CHST9: variants seen among roughly 807,000 people sequenced by gnomAD.
The protein encoded by CHST9 is GalNAc-4-sulfotransferase 2.
CHST9 carries 41 observed loss-of-function variants against 44.4 expected under a neutral mutation model. The observed-to-expected ratio is 0.92, with a 90% CI of 0.72 to 1.20. The LOEUF (loss-of-function observed/expected upper bound fraction) is 1.20. Among genes scored for constraint, CHST9 ranks in the 50% most tolerant of loss-of-function variants. CHST9 has a pLI of 0.00. For synonymous variants in CHST9, 171 were observed against 178.4 expected (o/e 0.96, Z 0.33); for missense variants, 504 against 516.5 (o/e 0.98, Z 0.23).
intron 5 of CHST9, among the ~76,000 whole-genome samples, chr18:26,923,413 C>A (rs1044153308): frequency 6.6e-6 from 1 of 152,158 alleles, no homozygotes; most frequent in Non-Finnish European, 1.5e-5. Flanking sequence ...ATCTATATAA[C>A]CCCCACTAGC....
chr18:27,044,319 A>G (rs941946525), intron 3 of CHST9, among the ~76,000 whole-genome samples: 1 of 151,984 alleles, frequency 6.6e-6, no homozygotes, highest in Admixed American at 6.6e-5. Context: ...GTCCTGGACC[A>G]TTAAAATATT....
At chr18:27,043,827 T>C (rs1487502002) in intron 3 of CHST9, among the ~76,000 whole-genome samples, 1 of 152,040 alleles carries the variant, frequency 6.6e-6, no homozygotes, top group Non-Finnish European at 1.5e-5. Flanking sequence ...CCAAACTCCA[T>C]GGAACGGCAT....
At chr18:27,085,939 T>C (rs1416052749) in intron 2 of CHST9, among the ~76,000 whole-genome samples, 2 of 152,172 alleles carry the variant, frequency 1.3e-5, no homozygotes, top group African/African-American at 2.4e-5. Context: ...TACACAGTCA[T>C]AAAAGAGAAC....
chr18:26,980,297 C>T (rs1207447154), intron 4 of CHST9, among the ~76,000 whole-genome samples: 5 of 152,174 alleles, frequency 3.3e-5, no homozygotes, highest in Middle Eastern at 3.4e-3. Flanking sequence ...CAATCCCTAG[C>T]GCCTAGAAGT....
At chr18:26,927,857 T>C (rs1306161875) in intron 5 of CHST9, among the ~76,000 whole-genome samples, 2 of 152,142 alleles carry the variant, frequency 1.3e-5, no homozygotes, top group Non-Finnish European at 2.9e-5. Context: ...GGTCTTTCCC[T>C]TCCCACAAGG....
intron 1 of CHST9, among the ~76,000 whole-genome samples, chr18:27,178,432 A>T (rs2058885419): frequency 6.6e-6 from 1 of 152,022 alleles, no homozygotes. Context: ...AATATCTCAC[A>T]ATTTGATAAA....
At chr18:26,962,484 T>C (rs1369641811) in intron 4 of CHST9, among the ~76,000 whole-genome samples, 1 of 151,960 alleles carries the variant, frequency 6.6e-6, no homozygotes, top group Non-Finnish European at 1.5e-5. Context: ...AGAGATGGAG[T>C]TTTGTCCTGC....
chr18:26,939,311 C>T (rs771554251), intron 5 of CHST9, among the ~76,000 whole-genome samples: 17 of 151,954 alleles, frequency 1.1e-4, no homozygotes, highest in African/African-American at 3.4e-4. Context: ...GGGATTAGTA[C>T]GTTGATGAAA....
intron 2 of CHST9, among the ~76,000 whole-genome samples, chr18:27,056,087 G>T (rs566956596): frequency 6.6e-6 from 1 of 151,912 alleles, no homozygotes; most frequent in Admixed American, 6.6e-5. Context: ...GTCAATTATT[G>T]TTTATCAAAT....
intron 2 of CHST9, among the ~76,000 whole-genome samples, chr18:27,096,255 A>T (rs1464654380): frequency 6.6e-6 from 1 of 152,068 alleles, no homozygotes; most frequent in African/African-American, 2.4e-5. Context: ...GAGACACAAC[A>T]TATCAAAGTC....
intron 3 of CHST9, among the ~76,000 whole-genome samples, chr18:27,038,511 C>T (rs2057412870): frequency 6.6e-6 from 1 of 151,944 alleles, no homozygotes; most frequent in Non-Finnish European, 1.5e-5. Context: ...ATGCTCCAGT[C>T]TGGGTGATAG....
chr18:27,073,597 G>A (rs899480842), intron 2 of CHST9, among the ~76,000 whole-genome samples: 1 of 151,994 alleles, frequency 6.6e-6, no homozygotes, highest in African/African-American at 2.4e-5. Context: ...AGGTTCCTAG[G>A]GGTAATGGAG....
chr18:27,159,390 G>C (rs1281498495), intron 1 of CHST9, among the ~76,000 whole-genome samples: 4 of 152,052 alleles, frequency 2.6e-5, no homozygotes, highest in East Asian at 1.9e-4. Context: ...TCTTGTTTTT[G>C]TCAGGTTTGT....
chr18:27,184,614 G>A (rs912969552), intron 1 of CHST9, among the ~76,000 whole-genome samples: 1 of 152,068 alleles, frequency 6.6e-6, no homozygotes, highest in Non-Finnish European at 1.5e-5. Context: ...GCCTGAGCCA[G>A]GTCGCGGAGT....
At chr18:27,021,274 T>C (rs1366794993) in intron 4 of CHST9, among the ~76,000 whole-genome samples, 1 of 152,104 alleles carries the variant, frequency 6.6e-6, no homozygotes. Context: ...GGTGACAGCA[T>C]ATAACCTTGG....
intron 1 of CHST9, among the ~76,000 whole-genome samples, chr18:27,179,190 A>G (rs1486873044): frequency 1.3e-5 from 2 of 151,918 alleles, no homozygotes; most frequent in Non-Finnish European, 2.9e-5. Context: ...AATATTACCC[A>G]GCATGTACTT....
chr18:27,051,978 T>C (rs184326548), intron 2 of CHST9, among the ~76,000 whole-genome samples: 2 of 152,136 alleles, frequency 1.3e-5, no homozygotes, highest in Non-Finnish European at 1.5e-5. Flanking sequence ...ATGGTAAAGC[T>C]AGCAAGAAAT....
chr18:27,164,388 A>T (rs73406645), intron 1 of CHST9, among the ~76,000 whole-genome samples: 16 of 151,922 alleles, frequency 1.1e-4, no homozygotes, highest in African/African-American at 3.9e-4. Flanking sequence ...GTTGGAAGAT[A>T]AGTTAAGGTG....
intron 4 of CHST9, among the ~76,000 whole-genome samples, chr18:26,974,366 C>T (rs2056591196): frequency 6.6e-6 from 1 of 152,006 alleles, no homozygotes; most frequent in Non-Finnish European, 1.5e-5. Context: ...AGGTGGAATC[C>T]TGAAAAGAAC....
Sources: allele counts gnomAD v4.1 joint callset (sites outside exome capture counted in the v4.1 genomes callset), GRCh38; gene constraint gnomAD v4.1.1; transcripts MANE v1.5; gene names NCBI Gene and HGNC (gene_info 2026-07-23, HGNC 2026-07-21).